The following SLC24A2 variants were observed in gnomAD, a reference collection of about 807,000 sequenced individuals.
The protein encoded by SLC24A2 is solute carrier family 24 member 2.
SLC24A2 carries 36 observed loss-of-function variants against 62.0 expected under a neutral mutation model. That is an observed-to-expected ratio of 0.58 (90% CI 0.44 to 0.77). The LOEUF (loss-of-function observed/expected upper bound fraction) is 0.77. SLC24A2 is among the 30% of genes least tolerant of loss of function. The pLI, the probability that SLC24A2 is intolerant of heterozygous loss-of-function variation, is 0.00. For synonymous variants in SLC24A2, 358 were observed against 294.0 expected, an observed-to-expected ratio of 1.22 and a Z score of -2.23; for missense variants, 846 against 817.9, an observed-to-expected ratio of 1.03 and a Z score of -0.42.
At chr9:20,259,122 A>G in the SLC24A2 span, among the ~76,000 whole-genome samples, 1 of 152,172 alleles carries the variant, frequency 6.6e-6, no homozygotes, top group Admixed American at 6.5e-5. Flanking sequence ...TAAGCCAAGG[A>G]ATGTGAATTG....
chr9:19,859,081 G>C, the SLC24A2 span, among the ~76,000 whole-genome samples: 1 of 152,002 alleles, frequency 6.6e-6, no homozygotes, highest in African/African-American at 2.4e-5. Context: ...TAATAATAAA[G>C]ACAAGAAATC....
the SLC24A2 span, among the ~76,000 whole-genome samples, chr9:20,221,417 A>G: frequency 2.0e-3 from 301 of 152,190 alleles, 5 homozygotes; most frequent in Admixed American, 0.016. Flanking sequence ...CATGAAAGAA[A>G]CTAATTTAGG....
In SLC24A2 at chr9:19,778,770, A is replaced by C. The variant is rs527962057; in HGVS notation, c.930+7167T>G. On this transcript the variant is annotated intron_variant, in intron 2 of 10. Transcript: ENST00000341998. ...GAGTTCCACAGGTAAAGTCCCAAGA[A>C]ACATATGCTCAAAGTTTAAAAAAAT... Among the ~76,000 whole-genome samples, 4 of 152,322 alleles carry C rather than the reference A, an allele frequency of 2.6e-5. No individual in the cohort carries two copies. The South Asian group carries it at 8.3e-4, about 32-fold the overall frequency.
chr9:20,165,660 G>A, the SLC24A2 span, among the ~76,000 whole-genome samples: 2 of 151,832 alleles, frequency 1.3e-5, no homozygotes, highest in African/African-American at 4.8e-5. Context: ...AGGGATCCAT[G>A]TTTTTTAAAA....
At position 19,513,188 on chromosome 9, in the gene SLC24A2, A is replaced by ATATATGTATG. The variant is rs1231507740; in HGVS notation, c.*2964_*2965insCATACATATA. The stretch of plus-strand genomic sequence containing the variant: ...TATATATATATATGTATATATATAT[A>ATATATGTATG]TATGTATATATTTATATATGTATAT... On this transcript the variant is annotated 3_prime_UTR_variant, in exon 11 of 11. Coordinates refer to ENST00000341998, the MANE Select transcript of SLC24A2 (RefSeq NM_020344.4). 1 of 140,446 alleles carries ATATATGTATG rather than the reference A, an allele frequency of 7.1e-6. No individual in the cohort carries two copies. Among genetic ancestry groups the ATATATGTATG allele is most frequent in the Non-Finnish European group, 1.5e-5 (1 of 65,802 alleles). 8.7% of individuals were successfully genotyped at this position (140,446 alleles called of 1,614,324 possible). A position where few individuals can be genotyped will look rare whatever the true frequency, so the allele number is the denominator to read the frequency against.
chr9:20,026,847 G>C, the SLC24A2 span, among the ~76,000 whole-genome samples: 1 of 152,094 alleles, frequency 6.6e-6, no homozygotes, highest in African/African-American at 2.4e-5. Flanking sequence ...AACCTAAAAA[G>C]CTTCTGCACA....
At chr9:20,305,228 C>A in the SLC24A2 span, among the ~76,000 whole-genome samples, 1 of 151,780 alleles carries the variant, frequency 6.6e-6, no homozygotes, top group Non-Finnish European at 1.5e-5. Context: ...CTGCCTCAGC[C>A]TCCTGAGTAG....
chr9:19,951,226 TTGTGTGTGTGTG>T, the SLC24A2 span, among the ~76,000 whole-genome samples: 37 of 146,074 alleles, frequency 2.5e-4, 1 homozygote, highest in Non-Finnish European at 3.3e-4. Context: ...TTTTCTTAAG[TTGTGTGTGTGTG>T]TGTGTGTGTG....
chr9:19,893,057 C>T, the SLC24A2 span, among the ~76,000 whole-genome samples: 1 of 152,200 alleles, frequency 6.6e-6, no homozygotes, highest in Admixed American at 6.5e-5. Flanking sequence ...ACACATTCCA[C>T]CAAAGAGAAC....
the SLC24A2 span, among the ~76,000 whole-genome samples, chr9:20,285,144 G>A: frequency 6.6e-5 from 10 of 152,144 alleles, no homozygotes; most frequent in African/African-American, 2.4e-4. Context: ...CAAGGAAATA[G>A]GTAGAAGCAT....
chr9:19,698,008 T>C (rs1210280205), intron 2 of SLC24A2, among the ~76,000 whole-genome samples: 2 of 152,196 alleles, frequency 1.3e-5, no homozygotes, highest in Admixed American at 6.5e-5. Flanking sequence ...TGTTTTAATA[T>C]GGAAACATTT....
intron 7 of SLC24A2, among the ~76,000 whole-genome samples, chr9:19,557,155 C>A (rs1375090152): frequency 6.6e-6 from 1 of 152,182 alleles, no homozygotes; most frequent in African/African-American, 2.4e-5. Context: ...TTCCCCTATT[C>A]CACACTCCCC....
chr9:19,573,249 G>A (rs1835890033), intron 7 of SLC24A2, 102 bp downstream of exon 7: 5 of 811,952 alleles, frequency 6.2e-6, no homozygotes, highest in Admixed American at 3.7e-5. Flanking sequence ...TTCCTGCCCA[G>A]CTGAGAGCTG....
At chr9:20,081,891 C>T in the SLC24A2 span, among the ~76,000 whole-genome samples, 1 of 152,140 alleles carries the variant, frequency 6.6e-6, no homozygotes, top group Non-Finnish European at 1.5e-5. Context: ...ATTTCCCTAA[C>T]CTAAGGGAAA....
chr9:20,222,367 G>C, the SLC24A2 span, among the ~76,000 whole-genome samples: 2 of 151,832 alleles, frequency 1.3e-5, no homozygotes, highest in Admixed American at 1.3e-4. Flanking sequence ...AACAATCAAC[G>C]TAAGTATTTA....
At chr9:20,264,954 A>G in the SLC24A2 span, among the ~76,000 whole-genome samples, 1 of 152,216 alleles carries the variant, frequency 6.6e-6, no homozygotes, top group Admixed American at 6.5e-5. Context: ...CCACTCCGGC[A>G]ATGAGCACAG....
At chr9:19,569,972 G>A (rs1332998896) in intron 7 of SLC24A2, among the ~76,000 whole-genome samples, 1 of 152,110 alleles carries the variant, frequency 6.6e-6, no homozygotes, top group African/African-American at 2.4e-5. Context: ...CAACTCACAG[G>A]AGCCTCTCCA....
At chr9:20,099,349 C>T in the SLC24A2 span, among the ~76,000 whole-genome samples, 3 of 152,326 alleles carry the variant, frequency 2.0e-5, no homozygotes, top group East Asian at 5.8e-4. Flanking sequence ...GAAAAGGGCA[C>T]TTACCTTTAT....
At chr9:20,017,727 C>CTGA in the SLC24A2 span, among the ~76,000 whole-genome samples, 1 of 152,248 alleles carries the variant, frequency 6.6e-6, no homozygotes, top group African/African-American at 2.4e-5. Flanking sequence ...TTGGACACTG[C>CTGA]TGATGTTTGA....
Sources: gnomAD v4.1 joint callset for allele counts (sites outside exome capture counted in the v4.1 genomes callset) on GRCh38, gnomAD v4.1.1 for gene constraint, MANE v1.5 for transcripts, NCBI Gene and HGNC (gene_info 2026-07-23, HGNC 2026-07-21) for gene names.